The following CCDC141 variants were observed in gnomAD, a reference collection of about 807,000 sequenced individuals.
The protein encoded by CCDC141 is coiled-coil domain containing 141, also known as coiled-coil domain-containing protein 141.
Under a neutral mutation model 181.0 loss-of-function variants are expected in CCDC141, and 168 were observed. The observed-to-expected ratio is 0.93, with a 90% CI of 0.82 to 1.05. CCDC141 has a LOEUF of 1.05. Among genes scored for constraint, CCDC141 ranks in the 50% least tolerant of loss-of-function variants. The pLI is 0.00. For missense variants in CCDC141, 1,902 were observed against 1,788.5 expected, an observed-to-expected ratio of 1.06 and a Z score of -1.14; for synonymous variants, 666 against 642.3, an observed-to-expected ratio of 1.04 and a Z score of -0.56.
At chr2:179,020,247 A>C (rs553257355) in intron 2 of CCDC141, among the ~76,000 whole-genome samples, 6 of 152,056 alleles carry the variant, frequency 3.9e-5, no homozygotes, top group Non-Finnish European at 7.4e-5. Context: ...CAAAAGCATA[A>C]TTTTACCTAA....
intron 16 of CCDC141, among the ~76,000 whole-genome samples, chr2:178,866,955 G>A (rs894008367): frequency 3.9e-5 from 6 of 152,082 alleles, no homozygotes; most frequent in Admixed American, 1.3e-4. Flanking sequence ...TGAACTTCTC[G>A]GCCTCCTAAA....
chr2:178,948,941 A>G (rs1018818756), intron 5 of CCDC141, among the ~76,000 whole-genome samples: 2 of 152,218 alleles, frequency 1.3e-5, no homozygotes, highest in Admixed American at 1.3e-4. Context: ...CTTTGTAGCA[A>G]TGCAAAATGG....
At chr2:178,877,920 G>A (rs756276670) in intron 12 of CCDC141, 44 bp downstream of exon 12, 1 of 1,515,022 alleles carries the variant, frequency 6.6e-7, no homozygotes, top group African/African-American at 1.4e-5. Context: ...TGACTTTGAT[G>A]AGTATCCCTG....
Position 178,909,664 on chromosome 2 carries a change from T to C in CCDC141, c.1093-4163A>G, listed in dbSNP as rs187100914. On this transcript the variant is annotated intron_variant, in intron 7 of 23. Transcript: ENST00000443758. Reference sequence around the variant, plus strand: ...TCTAAGTATCATTGCTCTCACTTAATCTACCCTCAAAATAGAACTGAGTGC... The same window carrying C: ...TCTAAGTATCATTGCTCTCACTTAACCTACCCTCAAAATAGAACTGAGTGC... Among the ~76,000 whole-genome samples the C allele has an allele frequency of 7.2e-5, 11 of 152,290 alleles. No homozygotes were observed. In the East Asian group the frequency reaches 1.5e-3, roughly 21 times the overall value.
intron 5 of CCDC141, among the ~76,000 whole-genome samples, chr2:178,948,349 T>C (rs565782013): frequency 6.6e-6 from 1 of 152,194 alleles, no homozygotes. Context: ...TACTAGAAAA[T>C]TTAAAATCAC....
chr2:178,932,431 T>C (rs1360341091), intron 6 of CCDC141, among the ~76,000 whole-genome samples: 2 of 152,218 alleles, frequency 1.3e-5, no homozygotes, highest in African/African-American at 2.4e-5. Context: ...CTCTGCTAAG[T>C]AGTCTAAGAT....
At chr2:178,819,633 G>T in the CCDC141 span, among the ~76,000 whole-genome samples, 1 of 152,136 alleles carries the variant, frequency 6.6e-6, no homozygotes, top group Non-Finnish European at 1.5e-5. Flanking sequence ...AATATTTGGA[G>T]ACATCATGGT....
At chr2:179,026,640 G>A (rs960760418) in intron 2 of CCDC141, among the ~76,000 whole-genome samples, 1 of 152,202 alleles carries the variant, frequency 6.6e-6, no homozygotes, top group African/African-American at 2.4e-5. Flanking sequence ...GCTGTGAGAA[G>A]AGTGCCAGTC....
chr2:178,955,210 C>T (rs1269219024), intron 5 of CCDC141, among the ~76,000 whole-genome samples: 1 of 151,948 alleles, frequency 6.6e-6, no homozygotes, highest in Non-Finnish European at 1.5e-5. Context: ...GCTTGAACCC[C>T]GGAGGTGGAG....
chr2:178,926,470 T>C (rs1257984273), intron 6 of CCDC141: 1 of 152,228 alleles, frequency 6.6e-6, no homozygotes, highest in Non-Finnish European at 1.5e-5. Flanking sequence ...AGTATTGAGC[T>C]AGCCTGTGGA....
chr2:178,902,266 A>T (rs1382279808), intron 8 of CCDC141, among the ~76,000 whole-genome samples: 1 of 152,216 alleles, frequency 6.6e-6, no homozygotes, highest in Non-Finnish European at 1.5e-5. Context: ...TTTAAAGTTC[A>T]TATGGCAACA....
chr2:178,829,281 T>C (rs1684174063), downstream of CCDC141, among the ~76,000 whole-genome samples: 1 of 152,222 alleles, frequency 6.6e-6, no homozygotes, highest in Non-Finnish European at 1.5e-5. Context: ...AATTTTGTGG[T>C]ACAAAAAGGA....
chr2:178,863,185 G>A, intron 17 of CCDC141, among the ~76,000 whole-genome samples: 1 of 152,164 alleles, frequency 6.6e-6, no homozygotes, highest in Non-Finnish European at 1.5e-5. Flanking sequence ...CTGAAACTCT[G>A]TTGTCCTGTA....
intron 2 of CCDC141, among the ~76,000 whole-genome samples, chr2:179,042,136 C>T (rs533001358): frequency 4.1e-4 from 63 of 152,294 alleles, no homozygotes; most frequent in African/African-American, 8.9e-4. Flanking sequence ...TGCCACATGG[C>T]GCTTACTTTA....
chr2:178,890,928 C>T (rs1387303709), intron 8 of CCDC141, among the ~76,000 whole-genome samples: 1 of 152,094 alleles, frequency 6.6e-6, no homozygotes, highest in Non-Finnish European at 1.5e-5. Context: ...TGATAGAATC[C>T]TTAAAATAAC....
chr2:178,861,654 G>GT (rs958948757), intron 17 of CCDC141, among the ~76,000 whole-genome samples: 9 of 130,208 alleles, frequency 6.9e-5, no homozygotes, highest in South Asian at 6.8e-4. Flanking sequence ...AAAAAAAAAA[G>GT]TTTTTTTTGT....
chr2:178,936,013 T>C (rs1689272070), intron 6 of CCDC141, among the ~76,000 whole-genome samples: 2 of 152,076 alleles, frequency 1.3e-5, no homozygotes, highest in South Asian at 4.1e-4. Flanking sequence ...GTCAGATGCA[T>C]AGTTTATAAA....
Position 178,945,757 on chromosome 2 carries a change from A to G in CCDC141, c.781-1106T>C, listed in dbSNP as rs146371347. ...GAAGCAGTCTCAGGATTTCTCTGAA[A>G]TCCTATAACATGGAGAAATGTGTAC... On this transcript the variant is annotated intron_variant, in intron 5 of 23. Transcript: ENST00000443758. Among the ~76,000 whole-genome samples, 67 of 152,194 alleles carry G rather than the reference A, an allele frequency of 4.4e-4. 1 individual carries two copies. In the East Asian group the frequency reaches 7.3e-3, roughly 17 times the overall value.
At chr2:178,862,577 A>C (rs1685668320) in intron 17 of CCDC141, among the ~76,000 whole-genome samples, 1 of 152,206 alleles carries the variant, frequency 6.6e-6, no homozygotes. Context: ...GTCAGGCAAG[A>C]AAAAATATGA....
Sources: gnomAD v4.1 joint callset for allele counts (sites outside exome capture counted in the v4.1 genomes callset) on GRCh38, gnomAD v4.1.1 for gene constraint, MANE v1.5 for transcripts, NCBI Gene and HGNC (gene_info 2026-07-23, HGNC 2026-07-21) for gene names.